Variants in OCA2 observed in about 807,000 individuals in gnomAD.
OCA2 encodes OCA2 melanosomal transmembrane protein, also known as P protein.
Under a neutral mutation model 100.2 loss-of-function variants are expected in OCA2, and 77 were observed. The ratio of observed to expected loss-of-function variants is 0.77; its 90% CI spans 0.64 to 0.93. OCA2 has a LOEUF of 0.93. Ranked by LOEUF, OCA2 falls within the 40% of genes least tolerant of loss-of-function variation. The pLI is 0.00. For synonymous variants in OCA2, 432 were observed against 439.2 expected, an observed-to-expected ratio of 0.98 and a Z score of 0.21; for missense variants, 1,062 against 1,089.1, an observed-to-expected ratio of 0.98 and a Z score of 0.35.
chr15:27,798,736 G>A (rs1030684526), intron 23 of OCA2, among the ~76,000 whole-genome samples: 5 of 152,188 alleles, frequency 3.3e-5, no homozygotes, highest in Non-Finnish European at 5.9e-5. Context: ...AACAGTGGGT[G>A]TGGGGTTTGG....
chr15:27,777,116 T>G (rs1405167664), intron 23 of OCA2, among the ~76,000 whole-genome samples: 1 of 151,952 alleles, frequency 6.6e-6, no homozygotes, highest in Non-Finnish European at 1.5e-5. Flanking sequence ...TGGGCTGAGT[T>G]TACAGGCGAG....
At chr15:28,039,949 T>C (rs1009151526) in intron 2 of OCA2, among the ~76,000 whole-genome samples, 2 of 151,918 alleles carry the variant, frequency 1.3e-5, no homozygotes, top group Non-Finnish European at 2.9e-5. Flanking sequence ...GGAGAACTGC[T>C]TGAACCCAAG....
chr15:27,981,272 GCTAATT>G (rs2041152508), intron 14 of OCA2, among the ~76,000 whole-genome samples: 1 of 152,118 alleles, frequency 6.6e-6, no homozygotes, highest in Admixed American at 6.6e-5. Flanking sequence ...GTCCTAGTCT[GCTAATT>G]CTAACACCTG....
intron 13 of OCA2, 50 bp downstream of exon 13, chr15:27,985,014 T>C: frequency 1.2e-6 from 2 of 1,611,052 alleles, no homozygotes; most frequent in Non-Finnish European, 1.7e-6. Context: ...GCAGAGCCCC[T>C]GCCTGCCAGA....
intron 21 of OCA2, among the ~76,000 whole-genome samples, chr15:27,855,280 T>A (rs1277534807): frequency 1.3e-5 from 2 of 152,184 alleles, no homozygotes; most frequent in African/African-American, 2.4e-5. Context: ...GCCATGACCT[T>A]TCCATCTCTG....
chr15:27,800,080 G>C (rs903831722), intron 23 of OCA2, among the ~76,000 whole-genome samples: 13 of 152,304 alleles, frequency 8.5e-5, no homozygotes, highest in African/African-American at 3.1e-4. Flanking sequence ...TATTTGGAAA[G>C]TAAATAATGC....
intron 9 of OCA2, among the ~76,000 whole-genome samples, chr15:27,993,332 A>C (rs2141038080): frequency 6.6e-6 from 1 of 152,326 alleles, no homozygotes. Context: ...AAACAGTCTC[A>C]GCTGAATAAT....
chr15:27,970,907 G>A (rs1042217864), intron 14 of OCA2, among the ~76,000 whole-genome samples: 1 of 150,728 alleles, frequency 6.6e-6, no homozygotes, highest in African/African-American at 2.4e-5. Flanking sequence ...CGGCATGATG[G>A]GAAAACGTAA....
intron 19 of OCA2, among the ~76,000 whole-genome samples, chr15:27,879,764 T>C (rs1251524603): frequency 6.6e-6 from 1 of 152,008 alleles, no homozygotes; most frequent in Non-Finnish European, 1.5e-5. Flanking sequence ...CTTTGTCAGA[T>C]AGATAGAGTG....
At chr15:27,841,891 G>T (rs569875618) in intron 23 of OCA2, among the ~76,000 whole-genome samples, 1 of 152,202 alleles carries the variant, frequency 6.6e-6, no homozygotes, top group African/African-American at 2.4e-5. Flanking sequence ...TGGCAGTGAC[G>T]AGTTTCAGCA....
In OCA2 at chr15:28,026,337, G is replaced by GT. The variant is rs1355021718; in HGVS notation, c.516-1436dup. ...TGAGGACACGGCATCCTCAGGAGTG[G>GT]TTACCCGTCCAGCTGGGAAAAGGCA... On this transcript the variant is annotated intron_variant, in intron 4 of 23. Coordinates refer to ENST00000354638, the MANE Select transcript of OCA2 (RefSeq NM_000275.3). Among the ~76,000 whole-genome samples, 3 of 152,278 alleles carry GT rather than the reference G, an allele frequency of 2.0e-5. No individual in the cohort carries two copies. In the East Asian group the frequency reaches 5.8e-4, roughly 29 times the overall value.
chr15:28,082,638 G>T (rs75685215), intron 1 of OCA2, among the ~76,000 whole-genome samples: 1 of 152,168 alleles, frequency 6.6e-6, no homozygotes, highest in Non-Finnish European at 1.5e-5. Context: ...AAGGACAAGT[G>T]GTACACTGTG....
chr15:27,824,030 T>C (rs2034604604), intron 23 of OCA2, among the ~76,000 whole-genome samples: 1 of 152,204 alleles, frequency 6.6e-6, no homozygotes, highest in African/African-American at 2.4e-5. Context: ...AAATGCATCA[T>C]AAAATCTTAA....
intron 23 of OCA2, among the ~76,000 whole-genome samples, chr15:27,796,335 G>A (rs1289983149): frequency 2.6e-5 from 4 of 152,264 alleles, no homozygotes; most frequent in African/African-American, 7.2e-5. Context: ...CTGGCCTCTC[G>A]CCACCTGAGG....
At chr15:28,073,338 C>T (rs1329387993) in intron 2 of OCA2, among the ~76,000 whole-genome samples, 1 of 152,112 alleles carries the variant, frequency 6.6e-6, no homozygotes, top group African/African-American at 2.4e-5. Context: ...CGCTTGAACC[C>T]GGGAGGTGGA....
the OCA2 span, among the ~76,000 whole-genome samples, chr15:27,729,370 T>G: frequency 2.0e-5 from 3 of 150,484 alleles, no homozygotes; most frequent in Non-Finnish European, 4.4e-5. Flanking sequence ...TCTTCCAGTC[T>G]CTCCCTATTT....
the OCA2 span, among the ~76,000 whole-genome samples, chr15:27,748,310 T>C: frequency 3.9e-5 from 6 of 152,010 alleles, no homozygotes; most frequent in East Asian, 1.9e-4. Context: ...GCTCCATAGT[T>C]GGGGGAGAAC....
chr15:28,040,817 C>A (rs995751050), intron 2 of OCA2, among the ~76,000 whole-genome samples: 1 of 152,218 alleles, frequency 6.6e-6, no homozygotes, highest in African/African-American at 2.4e-5. Flanking sequence ...AGACCTACAA[C>A]CAGGAAAAAG....
At chr15:27,894,487 A>G (rs968194833) in intron 19 of OCA2, among the ~76,000 whole-genome samples, 1 of 152,246 alleles carries the variant, frequency 6.6e-6, no homozygotes, top group Non-Finnish European at 1.5e-5. Flanking sequence ...GCTTTAAAAG[A>G]AGGACAGAAA....
Sources: gnomAD v4.1 joint callset for allele counts (sites outside exome capture counted in the v4.1 genomes callset) on GRCh38, gnomAD v4.1.1 for gene constraint, MANE v1.5 for transcripts, NCBI Gene and HGNC (gene_info 2026-07-23, HGNC 2026-07-21) for gene names.